Variants in HNRNPL observed in about 807,000 individuals in gnomAD.
HNRNPL encodes the protein heterogeneous nuclear ribonucleoprotein L.
In HNRNPL, 12 loss-of-function variants were observed where a neutral mutation model predicts 64.0. The ratio of observed to expected loss-of-function variants is 0.19; its 90% CI spans 0.12 to 0.30. The LOEUF is 0.30. Ranked by LOEUF, HNRNPL falls within the 10% of genes least tolerant of loss-of-function variation. The probability of loss-of-function intolerance (pLI) is 1.00; values close to 1 mark genes in which losing one functional copy is unlikely to be tolerated. For missense variants in HNRNPL, 484 were observed against 797.4 expected (o/e 0.61, Z 4.73); for synonymous variants, 385 against 313.0 (o/e 1.23, Z -2.43).
At chr19:38,844,239 C>T in intron 4 of HNRNPL, 135 bp from the exon 5 acceptor site, 1 of 639,736 alleles carries the variant, frequency 1.6e-6, no homozygotes, top group East Asian at 2.7e-5. Flanking sequence ...GCTCACTGCC[C>T]AGCCACTAGC....
chr19:38,846,929 T>C (rs888068345), intron 2 of HNRNPL, among the ~76,000 whole-genome samples: 3 of 150,828 alleles, frequency 2.0e-5, no homozygotes, highest in African/African-American at 4.9e-5. Flanking sequence ...AAACAAAAAA[T>C]ATATATATGT....
At chr19:38,840,596 A>G in intron 6 of HNRNPL, 37 bp from the exon 7 acceptor site, 1 of 1,517,726 alleles carries the variant, frequency 6.6e-7, no homozygotes, top group Non-Finnish European at 9.0e-7. Flanking sequence ...TCTCACTCAG[A>G]AATTGGGGTC....
chr19:38,837,828 TTTAATTA>T (rs1971980335), intron 10 of HNRNPL, among the ~76,000 whole-genome samples, 177 bp from the exon 11 acceptor site: 1 of 152,236 alleles, frequency 6.6e-6, no homozygotes, highest in Non-Finnish European at 1.5e-5. Context: ...AACAATGCTC[TTTAATTA>T]TTAAGTTGCC....
chr19:38,851,625 G>C (rs1220427129), upstream of HNRNPL, among the ~76,000 whole-genome samples: 10 of 152,220 alleles, frequency 6.6e-5, no homozygotes, highest in Non-Finnish European at 1.5e-5. Context: ...GAGGCCGTGT[G>C]TGGTGGCTCA....
chr19:38,848,216 G>A (rs140205941), intron 1 of HNRNPL, among the ~76,000 whole-genome samples: 1,764 of 152,036 alleles, frequency 0.012, 37 homozygotes, highest in African/African-American at 0.04. Context: ...TCAGCCTCCC[G>A]AGTAGCTGGA....
chr19:38,846,400 G>T (rs1418428625), intron 2 of HNRNPL, among the ~76,000 whole-genome samples: 1 of 152,170 alleles, frequency 6.6e-6, no homozygotes, highest in Admixed American at 6.5e-5. Flanking sequence ...CTTTCTAAGA[G>T]AAGCATCCAG....
intron 10 of HNRNPL, among the ~76,000 whole-genome samples, chr19:38,838,196 A>C (rs1171232601): frequency 6.6e-6 from 1 of 152,238 alleles, no homozygotes; most frequent in Non-Finnish European, 1.5e-5. Context: ...GTGTTGCTAG[A>C]AACTTGGTGC....
rs1297379717 is a variant in HNRNPL, at chr19:38,836,643, CA to C, written c.*78del. The stretch of plus-strand genomic sequence containing the variant: ...AAAAAAAGGAATACAAGATCTTTTG[CA>C]AATAACAAAAACAAAAAATGGCATA... On this transcript the variant is annotated 3_prime_UTR_variant, in exon 13 of 13. Coordinates refer to ENST00000221419, the MANE Select transcript of HNRNPL (RefSeq NM_001533.3). The C allele has an allele frequency of 8.4e-6, 4 of 475,316 alleles. No individual in the cohort carries two copies. Among genetic ancestry groups the C allele is most frequent in the African/African-American group, 2.5e-5 (1 of 39,856 alleles). The allele number at this position is 475,316 out of a possible 1,614,324, so 29.4% of individuals were successfully genotyped here.
chr19:38,841,303 C>A, intron 6 of HNRNPL: 1 of 333,932 alleles, frequency 3.0e-6, no homozygotes, highest in East Asian at 8.0e-5. Context: ...AAATTCCTCA[C>A]AACAACCCTA....
chr19:38,836,834 C>T lies in HNRNPL; in HGVS notation c.1712-54G>A, dbSNP rs1028089294. On this transcript the variant is annotated intron_variant, in intron 12 of 12. Transcript: ENST00000221419. Reference sequence around the variant, plus strand: ...TCCCGTCTTTGGAGGCTCCCCAAACCCAGGTCCCCTCAAGTTTGTACCCAT... The same window carrying T: ...TCCCGTCTTTGGAGGCTCCCCAAACTCAGGTCCCCTCAAGTTTGTACCCAT... The T allele has an allele frequency of 6.6e-6, 9 of 1,374,044 alleles. No individual in the cohort carries two copies. In the Admixed American group the frequency reaches 7.3e-5, roughly 11 times the overall value. 85.1% of individuals were successfully genotyped at this position (1,374,044 alleles called of 1,614,324 possible).
At chr19:38,852,087 G>T (rs1222724362), upstream of HNRNPL, among the ~76,000 whole-genome samples, 2 of 137,628 alleles carry the variant, frequency 1.5e-5, no homozygotes, top group Admixed American at 1.4e-4. Flanking sequence ...CGCCCCTCGC[G>T]CCGGCGCGCA....
At chr19:38,850,234 C>G (rs1972466157), upstream of HNRNPL, 1 of 385,836 alleles carries the variant, frequency 2.6e-6, no homozygotes, top group South Asian at 8.4e-5. Context: ...TTTGATAGGT[C>G]GGATTTCTGG....
At chr19:38,838,373 C>T (rs762186115) in intron 10 of HNRNPL, 24 bp downstream of exon 10, 1 of 1,592,304 alleles carries the variant, frequency 6.3e-7, no homozygotes. Context: ...GACCCGACTG[C>T]CTGCGCAGCT....
intron 6 of HNRNPL, 157 bp downstream of exon 6, chr19:38,843,685 C>G: frequency 6.3e-6 from 4 of 635,276 alleles, no homozygotes; most frequent in Non-Finnish European, 1.1e-5. Context: ...TCTCACTCCC[C>G]CATCCCACTA....
intron 6 of HNRNPL, chr19:38,841,594 A>C (rs1269606860): frequency 1.7e-6 from 2 of 1,172,594 alleles, no homozygotes; most frequent in African/African-American, 1.6e-5. Flanking sequence ...ACAAAAAACA[A>C]ATCTGTATTT....
chr19:38,846,647 G>A (rs1049176337), intron 2 of HNRNPL, among the ~76,000 whole-genome samples: 2 of 152,156 alleles, frequency 1.3e-5, no homozygotes, highest in Non-Finnish European at 2.9e-5. Context: ...AGTGGCTCAC[G>A]CCTGTAATCC....
In HNRNPL at chr19:38,837,436, G is replaced by A. The variant is rs747042478; in HGVS notation, c.1659C>T (p.Ser553=). Residue 553 remains serine, a synonymous_variant, in exon 12 of 13, where the codon AGC becomes AGT. Coordinates refer to ENST00000221419, the MANE Select transcript of HNRNPL (RefSeq NM_001533.3). ...GGAAGCCCAGAGTCTCCAGGGCATC[G>A]CTCTTGGATTCCCACTCCAGCAGTC... ...SSGLLEWESK[S]DALETLGFLN... 7 of 1,614,198 alleles carry A rather than the reference G, an allele frequency of 4.3e-6. 1 individual carries two copies. Among genetic ancestry groups the A allele is most frequent in the East Asian group, 2.2e-5 (1 of 44,886 alleles).
At position 38,838,878 on chromosome 19, in the gene HNRNPL, G is replaced by A. The variant is rs201176574; in HGVS notation, c.1355+16C>T. On this transcript the variant is annotated intron_variant, in intron 9 of 12. Transcript: ENST00000221419. ...TCCCCTGTACCTCTGCTGCCCTCCC[G>A]AGCCTGAGCACCTACCAGACATTCA... is the stretch of plus-strand genomic sequence containing the variant. The A allele has an allele frequency of 3.8e-5, 62 of 1,613,898 alleles. No homozygotes were observed. The East Asian group carries it at 6.9e-4, about 18-fold the overall frequency.
chr19:38,841,132 G>GA (rs944967989), intron 6 of HNRNPL: 5 of 214,254 alleles, frequency 2.3e-5, no homozygotes, highest in Non-Finnish European at 4.7e-5. Context: ...GGCAACAGCA[G>GA]AATCAGTTCA....
Sources: gnomAD v4.1 joint callset for allele counts (sites outside exome capture counted in the v4.1 genomes callset) on GRCh38, gnomAD v4.1.1 for gene constraint, MANE v1.5 for transcripts, NCBI Gene and HGNC (gene_info 2026-07-23, HGNC 2026-07-21) for gene names.